Variants in KLF8 observed in about 807,000 individuals in gnomAD.
KLF8 encodes the protein Krueppel-like factor 8.
A neutral mutation model predicts 18.2 loss-of-function variants in KLF8; 10 were observed. The observed-to-expected ratio is 0.55, with a 90% confidence interval of 0.34 to 0.93. KLF8 has a LOEUF of 0.93. Ranked by LOEUF, KLF8 falls within the 40% of genes least tolerant of loss-of-function variation. The pLI is 0.02. For missense variants in KLF8, 264 were observed against 277.9 expected (o/e 0.95, Z 0.36); for synonymous variants, 109 against 97.3 (o/e 1.12, Z -0.71).
At chrX:56,175,439 T>C in the KLF8 span, among the ~76,000 whole-genome samples, 16 of 112,222 alleles carry the variant, frequency 1.4e-4, no homozygotes, top group Admixed American at 3.8e-4. Context: ...AGTTCTAGTT[T>C]GATTGCACTG....
chrX:56,123,271 A>G, the KLF8 span, among the ~76,000 whole-genome samples: 1,728 of 91,286 alleles, frequency 0.019, 20 homozygotes, highest in Non-Finnish European at 0.024. Flanking sequence ...GAAAGAAAGA[A>G]AAAGAAAGAA....
the KLF8 span, among the ~76,000 whole-genome samples, chrX:55,990,154 G>C: frequency 2.7e-5 from 3 of 111,630 alleles, no homozygotes; most frequent in Non-Finnish European, 5.6e-5. Flanking sequence ...CAAAAAACCA[G>C]CTCCTGGATT....
the KLF8 span, among the ~76,000 whole-genome samples, chrX:55,992,392 A>G: frequency 1.8e-5 from 2 of 112,238 alleles, no homozygotes; most frequent in Admixed American, 1.9e-4. Context: ...TGACTTTGTC[A>G]AGGTCAGATG....
intron 5 of KLF8, among the ~76,000 whole-genome samples, chrX:56,271,224 C>A (rs2067053699): frequency 9.1e-6 from 1 of 110,341 alleles, no homozygotes; most frequent in Admixed American, 9.6e-5. Flanking sequence ...ATGTAGGTGG[C>A]TCTGAAATCA....
the KLF8 span, among the ~76,000 whole-genome samples, chrX:56,078,099 T>A: frequency 2.7e-5 from 3 of 111,207 alleles, no homozygotes; most frequent in Admixed American, 2.9e-4. Flanking sequence ...ATGGACTGTT[T>A]GACTTCCTCT....
chrX:56,032,425 TA>T, the KLF8 span, among the ~76,000 whole-genome samples: 1 of 111,916 alleles, frequency 8.9e-6, no homozygotes, highest in African/African-American at 3.2e-5. Context: ...ACCACCACTA[TA>T]ATCAAGATAA....
chrX:56,052,943 A>T, the KLF8 span, among the ~76,000 whole-genome samples: 1 of 111,568 alleles, frequency 9.0e-6, no homozygotes, highest in Non-Finnish European at 1.9e-5. Flanking sequence ...GGACCCTCCG[A>T]GCCAGGTGTG....
chrX:56,032,167 C>G, the KLF8 span, among the ~76,000 whole-genome samples: 1 of 110,719 alleles, frequency 9.0e-6, no homozygotes, highest in African/African-American at 3.3e-5. Flanking sequence ...AAACAGGTAC[C>G]GAGTATAAAA....
chrX:56,121,123 T>A, the KLF8 span, among the ~76,000 whole-genome samples: 81 of 103,379 alleles, frequency 7.8e-4, no homozygotes, highest in Admixed American at 3.5e-3. Context: ...GAGGCGGAGC[T>A]TGCAGTGAGC....
the KLF8 span, among the ~76,000 whole-genome samples, chrX:55,993,492 G>A: frequency 8.9e-6 from 1 of 111,957 alleles, no homozygotes; most frequent in African/African-American, 3.3e-5. Context: ...TGTGTTACTG[G>A]ATGTGGACTG....
chrX:56,013,723 C>T, the KLF8 span, among the ~76,000 whole-genome samples: 1 of 111,512 alleles, frequency 9.0e-6, no homozygotes, highest in East Asian at 2.8e-4. Context: ...CGTTCTTCTG[C>T]TGCCACCATG....
the KLF8 span, among the ~76,000 whole-genome samples, chrX:55,963,681 T>G: frequency 1.8e-5 from 2 of 112,065 alleles, no homozygotes; most frequent in Non-Finnish European, 3.8e-5. Context: ...GTGAAAGGCT[T>G]CAACACACCA....
At chrX:56,030,269 G>A in the KLF8 span, among the ~76,000 whole-genome samples, 1 of 111,137 alleles carries the variant, frequency 9.0e-6, no homozygotes, top group East Asian at 2.8e-4. Context: ...CCCATTGAGG[G>A]TCCATTCCTG....
chrX:56,162,537 C>G, the KLF8 span, among the ~76,000 whole-genome samples: 2 of 111,473 alleles, frequency 1.8e-5, no homozygotes, highest in African/African-American at 6.5e-5. Context: ...TGGCAATGAG[C>G]GAGGCTCTGT....
chrX:56,172,998 A>T, the KLF8 span, among the ~76,000 whole-genome samples: 6 of 111,922 alleles, frequency 5.4e-5, no homozygotes, highest in African/African-American at 6.5e-5. Flanking sequence ...TCTGGATATT[A>T]ACCCTTTGTC....
chrX:56,053,463 C>T, the KLF8 span, among the ~76,000 whole-genome samples: 2 of 108,263 alleles, frequency 1.8e-5, no homozygotes, highest in African/African-American at 6.7e-5. Flanking sequence ...GGATATTGGC[C>T]TGGGGTGGGT....
the KLF8 span, among the ~76,000 whole-genome samples, chrX:56,225,201 A>G: frequency 8.1e-5 from 9 of 111,279 alleles, no homozygotes; most frequent in Non-Finnish European, 1.7e-4. Context: ...ATTATTAAAC[A>G]TTTAGATCTT....
chrX:56,267,091 C>A, intron 3 of KLF8: 1 of 753,848 alleles, frequency 1.3e-6, no homozygotes, highest in South Asian at 6.7e-5. Context: ...GCAGTGGTAA[C>A]ATCAAAGGAT....
the KLF8 span, among the ~76,000 whole-genome samples, chrX:55,983,982 T>A: frequency 1.8e-5 from 2 of 109,947 alleles, no homozygotes; most frequent in Middle Eastern, 4.7e-3. Context: ...CTGTGTAGTA[T>A]TCTATGGTAT....
Sources: gnomAD v4.1 joint callset for allele counts (sites outside exome capture counted in the v4.1 genomes callset) on GRCh38, gnomAD v4.1.1 for gene constraint, MANE v1.5 for transcripts, NCBI Gene and HGNC (gene_info 2026-07-23, HGNC 2026-07-21) for gene names.